PPIP5K2: variants seen among roughly 807,000 people sequenced by gnomAD.
PPIP5K2 encodes the protein diphosphoinositol pentakisphosphate kinase 2.
A neutral mutation model predicts 154.6 loss-of-function variants in PPIP5K2; 105 were observed. That is an observed-to-expected ratio of 0.68 (90% CI 0.58 to 0.80). The LOEUF is 0.80. Ranked by LOEUF, PPIP5K2 falls within the 30% of genes least tolerant of loss-of-function variation. PPIP5K2 has a pLI of 0.00. For missense variants in PPIP5K2, 992 were observed against 1,504.6 expected (o/e 0.66, Z 5.64); for synonymous variants, 480 against 490.3 (o/e 0.98, Z 0.28).
chr5:103,180,036 CCT>C lies in PPIP5K2; in HGVS notation c.2771_2772del (p.Pro924LeufsTer2). ...TTGCTCACAGAATGAAGGCAGGAGA[CCT>C]TTTAAAATTGATAATGATGATGAAC... is the stretch of plus-strand genomic sequence containing the variant. ...PASRENEGRR[P>X]FKIDNDDEPH... is the part of the protein sequence containing the mutation. On this transcript the variant is annotated frameshift_variant, in exon 24 of 31. Transcript: ENST00000358359. LOFTEE classifies it high-confidence loss of function. 2 of 1,537,078 alleles carry C rather than the reference CCT, an allele frequency of 1.3e-6. No individual in the cohort carries two copies. Among genetic ancestry groups the C allele is most frequent in the Non-Finnish European group, 1.7e-6 (2 of 1,144,258 alleles).
chr5:103,123,203 C>T (rs1789072375), intron 1 of PPIP5K2, among the ~76,000 whole-genome samples: 1 of 152,228 alleles, frequency 6.6e-6, no homozygotes, highest in Non-Finnish European at 1.5e-5. Flanking sequence ...TTTGCTGTGG[C>T]ATCTGTATTG....
rs529798318 is a variant in PPIP5K2, at chr5:103,205,243, T to C, written c.*3609T>C. The C allele has an allele frequency of 2.8e-4, 42 of 152,372 alleles. No individual in the cohort carries two copies. The highest frequency in any genetic ancestry group is 9.4e-4 in the African/African-American group (39 of 41,582). The allele number at this position is 152,372 out of a possible 1,614,324, so 9.4% of individuals were successfully genotyped here. On this transcript the variant is annotated 3_prime_UTR_variant, in exon 31 of 31. Transcript: ENST00000358359. ...CACATTTTCTTAATCCAGTCTATCATTGATGGACATCTGGGTTGGTCCCAA... is the reference window on the plus strand; with the variant it reads ...CACATTTTCTTAATCCAGTCTATCACTGATGGACATCTGGGTTGGTCCCAA...
intron 17 of PPIP5K2, among the ~76,000 whole-genome samples, chr5:103,160,526 G>A (rs868921785): frequency 1.2e-4 from 18 of 152,106 alleles, no homozygotes; most frequent in Middle Eastern, 3.4e-3. Context: ...TCCATTTCAG[G>A]GTTGGCAGAA....
chr5:103,155,516 C>A (rs116407219), intron 13 of PPIP5K2, among the ~76,000 whole-genome samples: 2 of 147,346 alleles, frequency 1.4e-5, no homozygotes, highest in African/African-American at 5.0e-5. Context: ...ACCTCTCCCC[C>A]TCCCAAGTTC....
Position 103,167,218 on chromosome 5 carries a change from C to T in PPIP5K2, c.1960C>T (p.His654Tyr), listed in dbSNP as rs1554218165. 1.3e-6 allele frequency: 2 copies of T among 1,589,590 alleles called. No individual in the cohort carries two copies. Among genetic ancestry groups the T allele is most frequent in the African/African-American group, 1.4e-5 (1 of 73,854 alleles). Reference protein sequence around the residue: ...SGSISLIKSMHLIKNPVKTCD... With the variant: ...SGSISLIKSMYLIKNPVKTCD... Reference sequence around the variant, plus strand: ...AAGCATTTCTCTTATCAAATCAATGCATTTAATTAAAAACCCTGTGAAGAC... The same window carrying T: ...AAGCATTTCTCTTATCAAATCAATGTATTTAATTAAAAACCCTGTGAAGAC... The change falls in exon 18 of 31, where the codon CAT (histidine) becomes TAT (tyrosine). Residue 654 changes from histidine (H) to tyrosine (Y), a missense_variant. His to Tyr is a moderately conservative substitution (Grantham distance 83). Around this residue, in one of 9 missense-constraint regions of PPIP5K2, gnomAD observed 82 missense variants for 91.8 expected, o/e 0.89. Coordinates refer to ENST00000358359, the MANE Select transcript of PPIP5K2 (RefSeq NM_001276277.3).
chr5:103,181,074 A>C (rs1799460821), intron 24 of PPIP5K2, among the ~76,000 whole-genome samples: 1 of 152,188 alleles, frequency 6.6e-6, no homozygotes. Context: ...AAACATTTAA[A>C]TAATTAATAA....
In PPIP5K2 at chr5:103,208,822, C is replaced by T. The variant is rs1248564708; in HGVS notation, c.*7188C>T. The T allele has an allele frequency of 1.3e-5, 2 of 151,974 alleles. No individual in the cohort carries two copies. The highest frequency in any genetic ancestry group is 2.9e-5 in the Non-Finnish European group (2 of 68,004). The allele number at this position is 151,974 out of a possible 1,614,324, so 9.4% of individuals were successfully genotyped here. A position where few individuals can be genotyped will look rare whatever the true frequency, so the allele number is the denominator to read the frequency against. On this transcript the variant is annotated 3_prime_UTR_variant, in exon 31 of 31. Coordinates refer to ENST00000358359, the MANE Select transcript of PPIP5K2 (RefSeq NM_001276277.3). ...TTTACTGCACCTGGCAGCTCTATCT[C>T]CTATTTTGGGGTTGAGGTTAAAGTG...
chr5:103,167,922 G>A (rs1380951460), intron 18 of PPIP5K2, 150 bp from the exon 19 acceptor site: 4 of 495,316 alleles, frequency 8.1e-6, no homozygotes, highest in Middle Eastern at 5.5e-4. Flanking sequence ...AAAGATATAT[G>A]GTTGCTAGTA....
intron 7 of PPIP5K2, among the ~76,000 whole-genome samples, chr5:103,148,920 A>G (rs1794162950): frequency 6.6e-6 from 1 of 152,132 alleles, no homozygotes; most frequent in South Asian, 2.1e-4. Context: ...TCAATATAAT[A>G]GTTTTCTATA....
chr5:103,146,411 C>T, intron 5 of PPIP5K2, 116 bp from the exon 6 acceptor site: 1 of 1,047,046 alleles, frequency 9.6e-7, no homozygotes, highest in Non-Finnish European at 1.3e-6. Context: ...CAAGTAAGTA[C>T]ATTATCCAAG....
At chr5:103,132,846 G>A (rs1198172212) in intron 2 of PPIP5K2, among the ~76,000 whole-genome samples, 1 of 152,080 alleles carries the variant, frequency 6.6e-6, no homozygotes, top group East Asian at 1.9e-4. Context: ...CTGAATTGTG[G>A]CCTTTGAGCT....
chr5:103,189,220 T>A, intron 28 of PPIP5K2: 1 of 1,524,850 alleles, frequency 6.6e-7, no homozygotes, highest in Non-Finnish European at 8.8e-7. Context: ...ATTTCTAGGC[T>A]CCAGTGGTAT....
At chr5:103,124,953 C>A (rs960166100) in intron 1 of PPIP5K2, among the ~76,000 whole-genome samples, 1 of 152,106 alleles carries the variant, frequency 6.6e-6, no homozygotes, top group Non-Finnish European at 1.5e-5. Context: ...TGTTAAATAA[C>A]AAGGTTATAT....
At chr5:103,146,501 T>C in intron 5 of PPIP5K2, 26 bp from the exon 6 acceptor site, 1 of 1,600,522 alleles carries the variant, frequency 6.2e-7, no homozygotes, top group Non-Finnish European at 8.5e-7. Flanking sequence ...TATGTGATAT[T>C]TCTTGCAATC....
At chr5:103,188,904 G>T in intron 28 of PPIP5K2, 1 of 339,666 alleles carries the variant, frequency 2.9e-6, no homozygotes, top group Non-Finnish European at 5.3e-6. Flanking sequence ...ATGCACATAA[G>T]GTGCATTCTT....
At chr5:103,139,113 C>A (rs1229930583) in intron 5 of PPIP5K2, among the ~76,000 whole-genome samples, 1 of 152,194 alleles carries the variant, frequency 6.6e-6, no homozygotes, top group Non-Finnish European at 1.5e-5. Context: ...TTTTAAAGCA[C>A]TGTTTGCTCC....
chr5:103,199,642 A>G (rs1554229635), intron 30 of PPIP5K2, among the ~76,000 whole-genome samples: 6 of 151,504 alleles, frequency 4.0e-5, no homozygotes, highest in Admixed American at 1.3e-4. Context: ...TTTTTTGGTA[A>G]TACTCCAAAA....
At chr5:103,169,541 C>T (rs751890353) in intron 19 of PPIP5K2, among the ~76,000 whole-genome samples, 2 of 151,510 alleles carry the variant, frequency 1.3e-5, no homozygotes, top group East Asian at 1.9e-4. Context: ...TATTTGTATA[C>T]GTGTTAACAA....
chr5:103,183,205 TTTTTTTTTGC>T lies in PPIP5K2; in HGVS notation c.2923-28_2923-19del. 3 of 968,158 alleles carry T rather than the reference TTTTTTTTTGC, an allele frequency of 3.1e-6. No homozygotes were observed. Among genetic ancestry groups the T allele is most frequent in the Non-Finnish European group, 3.9e-6 (3 of 769,914 alleles). 60.0% of individuals were successfully genotyped at this position (968,158 alleles called of 1,614,324 possible). On this transcript the variant is annotated intron_variant, in intron 24 of 30. Coordinates refer to ENST00000358359, the MANE Select transcript of PPIP5K2 (RefSeq NM_001276277.3). ...TTTTTTTTTTTTTTTTTTTTTTTTT[TTTTTTTTTGC>T]CCCCTTTCTCACTTCCAGGAAGAGA...
Sources: gnomAD v4.1 joint callset for allele counts (sites outside exome capture counted in the v4.1 genomes callset) on GRCh38, gnomAD v4.1.1 for gene constraint, gnomAD v4.1.1 regional missense constraint, MANE v1.5 for transcripts, NCBI Gene and HGNC (gene_info 2026-07-23, HGNC 2026-07-21) for gene names.